The following CRKL variants were observed in gnomAD, a reference collection of about 807,000 sequenced individuals.
The protein encoded by CRKL is crk-like protein.
In CRKL, 3 loss-of-function variants were observed where a neutral mutation model predicts 23.0. The ratio of observed to expected loss-of-function variants is 0.13; its 90% CI spans 0.06 to 0.34. The LOEUF (loss-of-function observed/expected upper bound fraction) is 0.34. Ranked by LOEUF, CRKL falls within the 10% of genes least tolerant of loss-of-function variation. The probability of loss-of-function intolerance (pLI) is 1.00; values close to 1 mark genes in which losing one functional copy is unlikely to be tolerated. For synonymous variants in CRKL, 188 were observed against 160.7 expected, an observed-to-expected ratio of 1.17 and a Z score of -1.28; for missense variants, 256 against 394.5, an observed-to-expected ratio of 0.65 and a Z score of 2.97.
intron 2 of CRKL, among the ~76,000 whole-genome samples, chr22:20,941,118 A>G (rs989382392): frequency 1.3e-5 from 2 of 152,062 alleles, no homozygotes; most frequent in African/African-American, 4.8e-5. Context: ...ACAGGCTCCC[A>G]GTGTAATGGG....
At chr22:20,937,121 G>A (rs1264939751) in intron 2 of CRKL, among the ~76,000 whole-genome samples, 1 of 151,902 alleles carries the variant, frequency 6.6e-6, no homozygotes, top group African/African-American at 2.4e-5. Context: ...CAAAGTGCTC[G>A]GATTACAGGC....
At chr22:20,941,568 G>A (rs1426202384) in intron 2 of CRKL, among the ~76,000 whole-genome samples, 1,438 of 19,564 alleles carry the variant, frequency 0.074, 189 homozygotes, top group East Asian at 0.29. Context: ...GTGTGTGTGT[G>A]TGTGTGTGTG....
At chr22:20,946,378 G>A (rs1922053759) in intron 2 of CRKL, among the ~76,000 whole-genome samples, 1 of 152,138 alleles carries the variant, frequency 6.6e-6, no homozygotes, top group Non-Finnish European at 1.5e-5. Flanking sequence ...AGACATAAAA[G>A]GGCTGACTAG....
intron 2 of CRKL, among the ~76,000 whole-genome samples, chr22:20,937,041 C>T (rs7287892): frequency 1.3e-5 from 2 of 151,954 alleles, no homozygotes; most frequent in Middle Eastern, 3.4e-3. Context: ...TAGTAGAGAC[C>T]GGGTTTCACT....
intron 1 of CRKL, among the ~76,000 whole-genome samples, chr22:20,919,147 A>G (rs763509635): frequency 2.6e-5 from 4 of 152,098 alleles, no homozygotes; most frequent in Non-Finnish European, 4.4e-5. Context: ...CCAAAATATC[A>G]GAACTGTATA....
chr22:20,948,055 T>TG (rs59138280), intron 2 of CRKL, among the ~76,000 whole-genome samples: 1,949 of 152,258 alleles, frequency 0.013, 42 homozygotes, highest in African/African-American at 0.044. Flanking sequence ...AGACAGAAGT[T>TG]TTTTAAGGAT....
chr22:20,929,999 G>A (rs1006193074), intron 1 of CRKL, among the ~76,000 whole-genome samples: 1 of 152,140 alleles, frequency 6.6e-6, no homozygotes, highest in Admixed American at 6.6e-5. Flanking sequence ...AGAATATAGG[G>A]CAGAGGACTT....
chr22:20,926,369 C>T (rs1921204235), intron 1 of CRKL, among the ~76,000 whole-genome samples: 1 of 152,134 alleles, frequency 6.6e-6, no homozygotes, highest in South Asian at 2.1e-4. Context: ...TTCTCTGTTA[C>T]TGGAGAGGGA....
intron 1 of CRKL, among the ~76,000 whole-genome samples, chr22:20,920,632 A>G (rs1920982117): frequency 6.6e-6 from 1 of 152,188 alleles, no homozygotes; most frequent in South Asian, 2.1e-4. Context: ...GAGAACAAGC[A>G]TGTAATTCTG....
chr22:20,936,168 G>C (rs892802346), intron 2 of CRKL, among the ~76,000 whole-genome samples: 53 of 152,118 alleles, frequency 3.5e-4, no homozygotes, highest in African/African-American at 1.2e-3. Flanking sequence ...TCAAAAAAAG[G>C]GGGGAGAATG....
chr22:20,920,579 C>G (rs912572314), intron 1 of CRKL, among the ~76,000 whole-genome samples: 2 of 152,074 alleles, frequency 1.3e-5, no homozygotes, highest in African/African-American at 2.4e-5. Flanking sequence ...TCTCTATCCA[C>G]AGAATCGCCT....
At chr22:20,929,201 G>T (rs1209124415) in intron 1 of CRKL, among the ~76,000 whole-genome samples, 1 of 152,084 alleles carries the variant, frequency 6.6e-6, no homozygotes, top group East Asian at 1.9e-4. Flanking sequence ...GTCTCACTCT[G>T]TTACCCAGAC....
intron 2 of CRKL, among the ~76,000 whole-genome samples, chr22:20,941,588 ATTTT>A (rs1198699701): frequency 1.2e-4 from 4 of 33,540 alleles, no homozygotes; most frequent in South Asian, 1.6e-3. Flanking sequence ...GTATATATAT[ATTTT>A]TTTTTTTTTT....
intron 1 of CRKL, among the ~76,000 whole-genome samples, chr22:20,922,044 C>T (rs2147895170): frequency 8.6e-6 from 1 of 116,864 alleles, no homozygotes; most frequent in African/African-American, 3.3e-5. Flanking sequence ...GATGACGTCT[C>T]ACTCTGTGGC....
At chr22:20,921,389 C>T (rs1920991645) in intron 1 of CRKL, among the ~76,000 whole-genome samples, 1 of 151,910 alleles carries the variant, frequency 6.6e-6, no homozygotes, top group South Asian at 2.1e-4. Context: ...GAATTATAAC[C>T]CAGTGTAACC....
chr22:20,949,969 TG>T lies in CRKL; in HGVS notation c.*126del. ...TGCCGAAGTCCAGCTTTCTGCAGAC[TG>T]GCAGTCGCACACACATTTGGAATGC... On this transcript the variant is annotated 3_prime_UTR_variant, in exon 3 of 3. Coordinates refer to ENST00000354336, the MANE Select transcript of CRKL (RefSeq NM_005207.4). 2 of 1,294,814 alleles carry T rather than the reference TG, an allele frequency of 1.5e-6. No homozygotes were observed. The highest frequency in any genetic ancestry group is 3.1e-5 in the South Asian group (2 of 65,338). 80.2% of individuals were successfully genotyped at this position (1,294,814 alleles called of 1,614,324 possible). A position where few individuals can be genotyped will look rare whatever the true frequency, so the allele number is the denominator to read the frequency against.
At chr22:20,928,321 G>A (rs1921307403) in intron 1 of CRKL, among the ~76,000 whole-genome samples, 1 of 151,988 alleles carries the variant, frequency 6.6e-6, no homozygotes, top group African/African-American at 2.4e-5. Flanking sequence ...GCTGGGCATG[G>A]TGGCTCATGC....
At position 20,922,337 on chromosome 22, in the gene CRKL, A is replaced by G. The variant is rs112341696; in HGVS notation, c.311+4092A>G. ...TCTCCGGCCTGGGAGTGTGTTTCTT[A>G]AAGGAGAAAGGGGGACATATAAAAT... On this transcript the variant is annotated intron_variant, in intron 1 of 2. Coordinates refer to ENST00000354336, the MANE Select transcript of CRKL (RefSeq NM_005207.4). Among the ~76,000 whole-genome samples, 381 of 151,988 alleles carry G rather than the reference A, an allele frequency of 2.5e-3. 1 individual carries two copies. Among genetic ancestry groups the G allele is most frequent in the Middle Eastern group, 0.017 (5 of 294 alleles).
Position 20,950,832 on chromosome 22 carries a change from GAAC to G in CRKL, c.*991_*993del, listed in dbSNP as rs1922248695. 1 of 230,692 alleles carries G rather than the reference GAAC, an allele frequency of 4.3e-6. No individual in the cohort carries two copies. The highest frequency in any genetic ancestry group is 8.6e-6 in the Non-Finnish European group (1 of 116,580). The allele number at this position is 230,692 out of a possible 1,614,324, so 14.3% of individuals were successfully genotyped here. On this transcript the variant is annotated 3_prime_UTR_variant, in exon 3 of 3. Transcript: ENST00000354336. ...TGCTGTAACTAAAGGAATCTGAAAA[GAAC>G]AACCCTGAAGCAGAGGCCTTTATTG...
Sources: allele counts gnomAD v4.1 joint callset (sites outside exome capture counted in the v4.1 genomes callset), GRCh38; gene constraint gnomAD v4.1.1; transcripts MANE v1.5; gene names NCBI Gene and HGNC (gene_info 2026-07-23, HGNC 2026-07-21).